Variants in KCNN2 observed in about 807,000 individuals in gnomAD.
KCNN2 encodes the protein potassium calcium-activated channel subfamily N member 2.
Under a neutral mutation model 55.5 loss-of-function variants are expected in KCNN2, and 24 were observed. That is an observed-to-expected ratio of 0.43 (90% CI 0.31 to 0.61). The LOEUF is 0.61. KCNN2 is among the 20% of genes least tolerant of loss of function. The probability of loss-of-function intolerance (pLI) is 0.08; values close to 1 mark genes in which losing one functional copy is unlikely to be tolerated. For missense variants in KCNN2, 754 were observed against 853.6 expected, an observed-to-expected ratio of 0.88 and a Z score of 1.45; for synonymous variants, 431 against 336.1, an observed-to-expected ratio of 1.28 and a Z score of -3.09.
At chr5:114,260,691 G>A (rs1561544438) in intron 2 of KCNN2, among the ~76,000 whole-genome samples, 1 of 152,164 alleles carries the variant, frequency 6.6e-6, no homozygotes, top group African/African-American at 2.4e-5. Context: ...GGTTCCTTTA[G>A]CTCTCTTTTT....
intron 3 of KCNN2, among the ~76,000 whole-genome samples, chr5:114,457,406 T>C (rs2150110078): frequency 6.6e-6 from 1 of 152,330 alleles, no homozygotes; most frequent in Admixed American, 6.5e-5. Context: ...ACAACATTTT[T>C]AGAAACTGGG....
At chr5:114,210,929 A>G (rs764291808) in intron 1 of KCNN2, among the ~76,000 whole-genome samples, 102 of 152,182 alleles carry the variant, frequency 6.7e-4, no homozygotes, top group Non-Finnish European at 1.1e-3. Flanking sequence ...ACACTTTTCA[A>G]GAGACATATG....
At chr5:114,084,702 A>G (rs1329524554) in intron 1 of KCNN2, among the ~76,000 whole-genome samples, 1 of 151,990 alleles carries the variant, frequency 6.6e-6, no homozygotes, top group East Asian at 1.9e-4. Flanking sequence ...TTGATCATGG[A>G]TCATACTTTT....
At chr5:114,235,275 C>A (rs1360931766) in intron 2 of KCNN2, among the ~76,000 whole-genome samples, 2 of 152,128 alleles carry the variant, frequency 1.3e-5, no homozygotes, top group Non-Finnish European at 2.9e-5. Context: ...ATTATTGCAT[C>A]CATTATTTAG....
rs1229886002 is a variant in KCNN2, at chr5:114,147,601, CATT to C, written c.-270-73878_-270-73876del. Among the ~76,000 whole-genome samples, 14 of 152,134 alleles carry C rather than the reference CATT, an allele frequency of 9.2e-5. No individual in the cohort carries two copies. In the East Asian group the frequency reaches 1.9e-3, roughly 21 times the overall value. On this transcript the variant is annotated intron_variant, in intron 1 of 10. Coordinates refer to the KCNN2 transcript ENST00000512097. ...ATGAGAGACTTGTCCCTCTTTCACT[CATT>C]GTTCTACAAAAGACAACTCTTTTTC...
chr5:114,342,334 G>T (rs1757032211), intron 2 of KCNN2, among the ~76,000 whole-genome samples: 1 of 152,092 alleles, frequency 6.6e-6, no homozygotes, highest in Non-Finnish European at 1.5e-5. Context: ...AAATTAAACT[G>T]ACATATTCCC....
At chr5:114,212,594 C>G (rs139947595) in intron 1 of KCNN2, among the ~76,000 whole-genome samples, 10 of 151,708 alleles carry the variant, frequency 6.6e-5, no homozygotes, top group African/African-American at 2.2e-4. Flanking sequence ...TTTTTCTTCA[C>G]TCTGCCTAAA....
chr5:114,079,957 A>G (rs973890292), intron 1 of KCNN2, among the ~76,000 whole-genome samples: 1 of 151,956 alleles, frequency 6.6e-6, no homozygotes, highest in African/African-American at 2.4e-5. Flanking sequence ...TGTCTCCTGT[A>G]TGATTTTTTT....
At chr5:114,167,552 A>T (rs2112539119) in intron 1 of KCNN2, among the ~76,000 whole-genome samples, 1 of 152,208 alleles carries the variant, frequency 6.6e-6, no homozygotes, top group South Asian at 2.1e-4. Context: ...ATCCTACTTA[A>T]GGCTAATAAT....
chr5:114,426,834 C>T (rs531389963), intron 3 of KCNN2, among the ~76,000 whole-genome samples: 9 of 152,100 alleles, frequency 5.9e-5, no homozygotes, highest in Admixed American at 3.3e-4. Flanking sequence ...ATTCCCTTTG[C>T]GATTGTAGTT....
intron 1 of KCNN2, among the ~76,000 whole-genome samples, chr5:114,181,163 A>G (rs980948131): frequency 6.6e-6 from 1 of 152,160 alleles, no homozygotes; most frequent in Non-Finnish European, 1.5e-5. Flanking sequence ...GCTTGGTCAT[A>G]GGGTAGATGT....
chr5:114,470,742 CTT>C (rs1213154451), intron 4 of KCNN2, among the ~76,000 whole-genome samples: 3 of 152,146 alleles, frequency 2.0e-5, no homozygotes, highest in Non-Finnish European at 4.4e-5. Context: ...TCAAATGACT[CTT>C]ATAAGAATTT....
intron 1 of KCNN2, among the ~76,000 whole-genome samples, chr5:114,104,726 G>A (rs1561477501): frequency 2.0e-5 from 3 of 152,052 alleles, no homozygotes; most frequent in Non-Finnish European, 4.4e-5. Context: ...TGAGAGGGCC[G>A]CCTACCTCAG....
chr5:114,175,197 A>T (rs183094828), intron 1 of KCNN2, among the ~76,000 whole-genome samples: 2 of 152,280 alleles, frequency 1.3e-5, no homozygotes, highest in African/African-American at 2.4e-5. Context: ...TTAGGCTAGG[A>T]TTATGAGGAA....
In KCNN2 at chr5:114,330,804, A is replaced by G. The variant is rs147479045; in HGVS notation, c.-184-30141A>G. Among the ~76,000 whole-genome samples, 334 of 152,302 alleles carry G rather than the reference A, an allele frequency of 2.2e-3. 1 individual carries two copies. Among genetic ancestry groups the G allele is most frequent in the Middle Eastern group, 6.8e-3 (2 of 294 alleles). Reference sequence around the variant, plus strand: ...TGAAGGACTTGCTACTCATGTGGTAATTGCCTGGGAGCAGAATCTTTCTCA... The same window carrying G: ...TGAAGGACTTGCTACTCATGTGGTAGTTGCCTGGGAGCAGAATCTTTCTCA... On this transcript the variant is annotated intron_variant, in intron 2 of 10. Transcript: ENST00000512097.
At chr5:114,348,661 A>T (rs1757157272) in intron 2 of KCNN2, among the ~76,000 whole-genome samples, 1 of 152,158 alleles carries the variant, frequency 6.6e-6, no homozygotes, top group Admixed American at 6.5e-5. Context: ...CTGAGCCATG[A>T]TACTATTTGG....
intron 2 of KCNN2, among the ~76,000 whole-genome samples, chr5:114,277,624 A>G (rs1580686179): frequency 6.6e-6 from 1 of 152,160 alleles, no homozygotes; most frequent in Non-Finnish European, 1.5e-5. Flanking sequence ...TTGCTTGATC[A>G]AATCAGCTAC....
At chr5:114,331,911 C>T (rs1756829348) in intron 2 of KCNN2, among the ~76,000 whole-genome samples, 1 of 152,116 alleles carries the variant, frequency 6.6e-6, no homozygotes. Flanking sequence ...GTGCAACCAG[C>T]TGGGGCTGTA....
At chr5:114,296,963 G>T (rs557600183) in intron 2 of KCNN2, among the ~76,000 whole-genome samples, 1 of 152,022 alleles carries the variant, frequency 6.6e-6, no homozygotes, top group Non-Finnish European at 1.5e-5. Flanking sequence ...TATTTCAGGG[G>T]CTCTGTGTGA....
Sources: allele counts gnomAD v4.1 joint callset (sites outside exome capture counted in the v4.1 genomes callset), GRCh38; gene constraint gnomAD v4.1.1; transcripts MANE v1.5; gene names NCBI Gene and HGNC (gene_info 2026-07-23, HGNC 2026-07-21).